REDIC1: variants seen among roughly 807,000 people sequenced by gnomAD.
REDIC1 encodes regulator of DNA class I crossover intermediates 1.
the REDIC1 span, among the ~76,000 whole-genome samples, chr12:39,678,629 CAAAAAAA>C: frequency 3.6e-4 from 35 of 96,202 alleles, no homozygotes; most frequent in Admixed American, 9.9e-4. Flanking sequence ...AAAGGCATAA[CAAAAAAA>C]AAAAAAAAAA....
At chr12:39,679,412 T>C in the REDIC1 span, among the ~76,000 whole-genome samples, 3 of 152,020 alleles carry the variant, frequency 2.0e-5, no homozygotes, top group African/African-American at 7.2e-5. Context: ...TTACAACAGC[T>C]GCAAAAAATA....
the REDIC1 span, among the ~76,000 whole-genome samples, chr12:39,712,392 CTGTA>C: frequency 2.6e-5 from 3 of 115,008 alleles, no homozygotes; most frequent in Non-Finnish European, 5.4e-5. Flanking sequence ...ATATATATAC[CTGTA>C]TGTATATATA....
the REDIC1 span, among the ~76,000 whole-genome samples, chr12:39,672,575 G>A: frequency 3.9e-5 from 6 of 152,152 alleles, no homozygotes; most frequent in Non-Finnish European, 8.8e-5. Context: ...GCAGCTATAA[G>A]TGATAGCAGT....
At chr12:39,842,380 GACTTCAAATCAGAT>G in the REDIC1 span, among the ~76,000 whole-genome samples, 3 of 152,028 alleles carry the variant, frequency 2.0e-5, no homozygotes. Flanking sequence ...AAGGTTCTCT[GACTTCAAATCAGAT>G]ATTTTTTCTA....
chr12:39,782,757 G>T, the REDIC1 span, among the ~76,000 whole-genome samples: 1 of 152,154 alleles, frequency 6.6e-6, no homozygotes, highest in Non-Finnish European at 1.5e-5. Flanking sequence ...ATGTTGAATG[G>T]CTTTGACAAA....
chr12:39,794,036 C>T, the REDIC1 span, among the ~76,000 whole-genome samples: 1 of 142,208 alleles, frequency 7.0e-6, no homozygotes, highest in African/African-American at 2.6e-5. Context: ...TTCTCTGATA[C>T]TGAGAAAGTA....
the REDIC1 span, among the ~76,000 whole-genome samples, chr12:39,662,474 T>C: frequency 1.3e-5 from 2 of 152,068 alleles, no homozygotes; most frequent in Non-Finnish European, 2.9e-5. Flanking sequence ...CTGATGTTTG[T>C]TGACTTTCTG....
the REDIC1 span, among the ~76,000 whole-genome samples, chr12:39,641,949 C>T: frequency 4.0e-5 from 6 of 151,542 alleles, no homozygotes; most frequent in Non-Finnish European, 7.4e-5. Context: ...TTTGTCAGTC[C>T]GATTTATTTT....
At chr12:39,832,234 C>CCG in the REDIC1 span, among the ~76,000 whole-genome samples, 1 of 152,018 alleles carries the variant, frequency 6.6e-6, no homozygotes, top group Non-Finnish European at 1.5e-5. Flanking sequence ...CCAGACTAGG[C>CCG]TAATTTGGAA....
At chr12:39,847,192 T>C in the REDIC1 span, among the ~76,000 whole-genome samples, 1 of 152,170 alleles carries the variant, frequency 6.6e-6, no homozygotes, top group Non-Finnish European at 1.5e-5. Flanking sequence ...TTGTACTTCC[T>C]GCTGTCAAGC....
chr12:39,841,477 A>C, the REDIC1 span, among the ~76,000 whole-genome samples: 1 of 152,280 alleles, frequency 6.6e-6, no homozygotes, highest in African/African-American at 2.4e-5. Context: ...TGTTACACTG[A>C]ATGAATGTTT....
At chr12:39,898,468 C>G in the REDIC1 span, among the ~76,000 whole-genome samples, 132 of 151,162 alleles carry the variant, frequency 8.7e-4, 1 homozygote, top group Middle Eastern at 3.4e-3. Context: ...ATACCATATT[C>G]TGCCACTCAG....
the REDIC1 span, among the ~76,000 whole-genome samples, chr12:39,808,422 C>T: frequency 1.3e-5 from 2 of 152,096 alleles, no homozygotes; most frequent in Admixed American, 6.6e-5. Context: ...TGTGTAGAAA[C>T]ATTTGTTGGA....
the REDIC1 span, among the ~76,000 whole-genome samples, chr12:39,863,535 A>G: frequency 6.6e-5 from 10 of 152,178 alleles, no homozygotes; most frequent in African/African-American, 2.4e-4. Flanking sequence ...TTTTCAAAGT[A>G]ACTGTGTTAA....
chr12:39,675,977 T>C, the REDIC1 span, among the ~76,000 whole-genome samples: 1 of 152,132 alleles, frequency 6.6e-6, no homozygotes, highest in Non-Finnish European at 1.5e-5. Flanking sequence ...TCCTTTCCAC[T>C]GAGACAGTCC....
chr12:39,871,626 G>A, the REDIC1 span, among the ~76,000 whole-genome samples: 1 of 151,792 alleles, frequency 6.6e-6, no homozygotes, highest in East Asian at 1.9e-4. Context: ...TAGCGTAACA[G>A]TTGTTAAAAG....
At chr12:39,739,159 A>C in the REDIC1 span, among the ~76,000 whole-genome samples, 1 of 152,184 alleles carries the variant, frequency 6.6e-6, no homozygotes, top group East Asian at 1.9e-4. Flanking sequence ...AGATAAGATC[A>C]TGGTATTGAA....
the REDIC1 span, among the ~76,000 whole-genome samples, chr12:39,809,232 T>G: frequency 6.6e-6 from 1 of 152,176 alleles, no homozygotes; most frequent in Non-Finnish European, 1.5e-5. Flanking sequence ...CATGCATATA[T>G]GGATCTATTT....
the REDIC1 span, among the ~76,000 whole-genome samples, chr12:39,832,477 T>A: frequency 0.62 from 93,851 of 151,892 alleles, 29,172 homozygotes; most frequent in East Asian, 0.77. Context: ...TGTGTGTGCA[T>A]TTCAGGCATA....
Sources: gnomAD v4.1 joint callset for allele counts (sites outside exome capture counted in the v4.1 genomes callset) on GRCh38, gnomAD v4.1.1 for gene constraint, MANE v1.5 for transcripts, NCBI Gene and HGNC (gene_info 2026-07-23, HGNC 2026-07-21) for gene names.